PACRG: variants seen among roughly 807,000 people sequenced by gnomAD.
PACRG encodes parkin coregulated gene protein.
Under a neutral mutation model 29.7 loss-of-function variants are expected in PACRG, and 29 were observed. The observed-to-expected ratio is 0.98, with a 90% CI of 0.73 to 1.33. PACRG has a LOEUF of 1.33. PACRG is among the 40% of genes most tolerant of loss of function. The pLI, the probability that PACRG is intolerant of heterozygous loss-of-function variation, is 0.00. For synonymous variants in PACRG, 116 were observed against 118.7 expected (o/e 0.98, Z 0.15); for missense variants, 279 against 316.2 (o/e 0.88, Z 0.89).
At chr6:163,298,021 A>G (rs2128189107) in intron 4 of PACRG, among the ~76,000 whole-genome samples, 1 of 152,286 alleles carries the variant, frequency 6.6e-6, no homozygotes, top group South Asian at 2.1e-4. Context: ...GGGCACCTTT[A>G]GAAGTGATAG....
At chr6:162,856,044 TTTG>T (rs915676129) in intron 2 of PACRG, among the ~76,000 whole-genome samples, 4 of 152,016 alleles carry the variant, frequency 2.6e-5, no homozygotes, top group South Asian at 2.1e-4. Context: ...GAGTTTTGGT[TTTG>T]TTGTTGTTGT....
chr6:162,862,422 G>A (rs989973542), intron 2 of PACRG, among the ~76,000 whole-genome samples: 6 of 152,208 alleles, frequency 3.9e-5, no homozygotes, highest in African/African-American at 1.4e-4. Context: ...TTATACAGCA[G>A]AAGAAAGGAG....
rs192813995 is a variant in PACRG at position 163,193,956 on chromosome 6, G to A, written c.613+104548G>A. On this transcript the variant is annotated intron_variant, in intron 4 of 4. Coordinates refer to ENST00000366888, the MANE Select transcript of PACRG (RefSeq NM_001080379.2). ...CACCCAGGCTGGAGTGCAGTGCCGC[G>A]ATCTCGGCTCAGTGCAACCTCCACC... Among the ~76,000 whole-genome samples the A allele has an allele frequency of 2.3e-3, 343 of 147,146 alleles. 1 individual carries two copies. Among genetic ancestry groups the A allele is most frequent in the African/African-American group, 8.1e-3 (323 of 39,860 alleles).
intron 2 of PACRG, among the ~76,000 whole-genome samples, chr6:162,927,548 A>T (rs184766313): frequency 2.4e-4 from 37 of 152,284 alleles, no homozygotes; most frequent in Non-Finnish European, 4.3e-4. Flanking sequence ...AAACTAACAC[A>T]GCAACAGAAA....
At chr6:162,995,904 G>T (rs1803995482) in intron 2 of PACRG, among the ~76,000 whole-genome samples, 1 of 152,188 alleles carries the variant, frequency 6.6e-6, no homozygotes, top group Admixed American at 6.5e-5. Flanking sequence ...AACATGGGAG[G>T]ATAGATATCT....
chr6:163,144,361 C>T (rs1040826121), intron 4 of PACRG, among the ~76,000 whole-genome samples: 1 of 130,586 alleles, frequency 7.7e-6, no homozygotes, highest in African/African-American at 2.8e-5. Context: ...CACACACACA[C>T]ACACACACAG....
intron 2 of PACRG, among the ~76,000 whole-genome samples, chr6:162,913,286 A>G (rs1796442596): frequency 6.6e-6 from 1 of 152,182 alleles, no homozygotes; most frequent in South Asian, 2.1e-4. Flanking sequence ...AGCTTTCTAC[A>G]TAGAGGTAAT....
chr6:163,076,291 G>A (rs1812534045), intron 3 of PACRG, among the ~76,000 whole-genome samples: 1 of 152,166 alleles, frequency 6.6e-6, no homozygotes, highest in Non-Finnish European at 1.5e-5. Flanking sequence ...CTCCCCATGT[G>A]TGTAATTCTA....
intron 1 of PACRG, among the ~76,000 whole-genome samples, chr6:162,763,851 T>A (rs1003634052): frequency 6.6e-6 from 1 of 152,054 alleles, no homozygotes; most frequent in African/African-American, 2.4e-5. Flanking sequence ...TTCATCTTTT[T>A]CCTGTTATTC....
At chr6:162,821,483 C>T (rs1005214357) in intron 2 of PACRG, among the ~76,000 whole-genome samples, 2 of 152,090 alleles carry the variant, frequency 1.3e-5, no homozygotes, top group African/African-American at 4.8e-5. Flanking sequence ...AGAAGAAAAA[C>T]AAATCACTCC....
chr6:162,792,339 T>A (rs888467615), intron 1 of PACRG, among the ~76,000 whole-genome samples: 1 of 151,934 alleles, frequency 6.6e-6, no homozygotes, highest in Non-Finnish European at 1.5e-5. Flanking sequence ...AGAAGGGAAA[T>A]AATTGGATTT....
At chr6:162,928,526 A>G (rs1055503077) in intron 2 of PACRG, among the ~76,000 whole-genome samples, 2 of 151,988 alleles carry the variant, frequency 1.3e-5, no homozygotes, top group Non-Finnish European at 2.9e-5. Flanking sequence ...ACATGTGATA[A>G]TTCAATACAT....
chr6:162,787,207 G>A (rs1246190230), intron 1 of PACRG, among the ~76,000 whole-genome samples: 1 of 152,072 alleles, frequency 6.6e-6, no homozygotes, highest in Non-Finnish European at 1.5e-5. Flanking sequence ...GACTGCTGAT[G>A]TACTCTGTAC....
chr6:162,858,894 G>T (rs1791624096), intron 2 of PACRG, among the ~76,000 whole-genome samples: 1 of 152,194 alleles, frequency 6.6e-6, no homozygotes, highest in African/African-American at 2.4e-5. Context: ...CAGGGAAGAA[G>T]GGGTGGAGGG....
At chr6:162,808,671 A>C (rs1215810289) in intron 1 of PACRG, among the ~76,000 whole-genome samples, 2 of 152,192 alleles carry the variant, frequency 1.3e-5, no homozygotes, top group African/African-American at 4.8e-5. Context: ...TTGGTTCCCA[A>C]GTGCATTGGA....
intron 1 of PACRG, among the ~76,000 whole-genome samples, chr6:162,793,257 A>G (rs1291622825): frequency 1.3e-5 from 2 of 152,228 alleles, no homozygotes; most frequent in Admixed American, 1.3e-4. Flanking sequence ...TCTCATAAAC[A>G]TAAGTATAGT....
At chr6:162,996,405 A>T (rs9458709) in intron 2 of PACRG, among the ~76,000 whole-genome samples, 2,144 of 152,302 alleles carry the variant, frequency 0.014, 50 homozygotes, top group African/African-American at 0.049. Context: ...ATATGTTCAC[A>T]TCCTTCAAAT....
At chr6:163,035,804 C>A (rs1808119550) in intron 2 of PACRG, among the ~76,000 whole-genome samples, 1 of 120,802 alleles carries the variant, frequency 8.3e-6, no homozygotes, top group African/African-American at 3.2e-5. Context: ...AAGAGTGAGA[C>A]TCTGTCTCAA....
At chr6:163,152,852 A>G (rs1039134686) in intron 4 of PACRG, among the ~76,000 whole-genome samples, 1 of 152,184 alleles carries the variant, frequency 6.6e-6, no homozygotes, top group East Asian at 1.9e-4. Flanking sequence ...AGAGATCACA[A>G]ACTTTTTCTC....
Sources: gnomAD v4.1 joint callset for allele counts (sites outside exome capture counted in the v4.1 genomes callset) on GRCh38, gnomAD v4.1.1 for gene constraint, MANE v1.5 for transcripts, NCBI Gene and HGNC (gene_info 2026-07-23, HGNC 2026-07-21) for gene names.